The following SNTG1 variants were observed in gnomAD, a reference collection of about 807,000 sequenced individuals.
SNTG1 encodes syntrophin gamma 1.
A neutral mutation model predicts 74.7 loss-of-function variants in SNTG1; 39 were observed. The ratio of observed to expected loss-of-function variants is 0.52; its 90% confidence interval spans 0.40 to 0.68. SNTG1 has a LOEUF of 0.68. SNTG1 is among the 30% of genes least tolerant of loss of function. The pLI is 0.00. For synonymous variants in SNTG1, 254 were observed against 217.1 expected, an observed-to-expected ratio of 1.17 and a Z score of -1.49; for missense variants, 685 against 609.5, an observed-to-expected ratio of 1.12 and a Z score of -1.30.
rs1343073552 is a variant in SNTG1, at chr8:50,312,662, A to T, written c.-27-81550A>T. 2.0e-5 allele frequency among the ~76,000 whole-genome samples: 3 copies of T among 149,924 alleles called. 1 individual carries two copies. Among genetic ancestry groups the T allele is most frequent in the East Asian group, 4.0e-4 (2 of 5,028 alleles). ...AACAATGAAAATAGCATAATAGGCC[A>T]CCTCATACCCATTACTAAACTTCCA... On this transcript the variant is annotated intron_variant, in intron 2 of 18. Coordinates refer to ENST00000642720, the MANE Select transcript of SNTG1 (RefSeq NM_018967.5).
chr8:50,506,039 G>T (rs1054844584), intron 9 of SNTG1, among the ~76,000 whole-genome samples: 9 of 152,026 alleles, frequency 5.9e-5, no homozygotes, highest in East Asian at 3.8e-4. Flanking sequence ...ATAGTATAAG[G>T]TAAGTGCCCA....
chr8:50,284,394 A>C (rs899115530), intron 2 of SNTG1, among the ~76,000 whole-genome samples: 1 of 152,114 alleles, frequency 6.6e-6, no homozygotes, highest in Non-Finnish European at 1.5e-5. Flanking sequence ...CATACCCTGA[A>C]CATGCCCCAT....
chr8:50,320,340 C>T (rs1168491395), intron 2 of SNTG1, among the ~76,000 whole-genome samples: 1 of 152,042 alleles, frequency 6.6e-6, no homozygotes, highest in Non-Finnish European at 1.5e-5. Flanking sequence ...TGAATTTCTG[C>T]CATATCAATT....
chr8:50,232,303 GC>G (rs1308460990), intron 2 of SNTG1, among the ~76,000 whole-genome samples: 2 of 151,324 alleles, frequency 1.3e-5, no homozygotes, highest in African/African-American at 4.8e-5. Context: ...CATTTTAAAA[GC>G]AATTAGTAAA....
At chr8:50,056,778 A>AGAT (rs1395220710) in intron 1 of SNTG1, among the ~76,000 whole-genome samples, 26 of 152,320 alleles carry the variant, frequency 1.7e-4, no homozygotes, top group African/African-American at 6.0e-4. Context: ...ATGTCAAGCA[A>AGAT]GATAGATGAG....
chr8:50,526,740 C>T (rs1185860248), intron 9 of SNTG1, among the ~76,000 whole-genome samples: 1 of 152,048 alleles, frequency 6.6e-6, no homozygotes, highest in Non-Finnish European at 1.5e-5. Flanking sequence ...TTCTCCTGCT[C>T]AGCCACCCAA....
intron 4 of SNTG1, among the ~76,000 whole-genome samples, chr8:50,421,736 G>C (rs2093090416): frequency 6.6e-6 from 1 of 152,068 alleles, no homozygotes; most frequent in African/African-American, 2.4e-5. Context: ...AAGGTCTGCT[G>C]AAAGATCACT....
chr8:50,714,081 G>T lies in SNTG1; in HGVS notation c.1284+5103G>T, dbSNP rs1042670910. On this transcript the variant is annotated intron_variant, in intron 17 of 18. Coordinates refer to ENST00000642720, the MANE Select transcript of SNTG1 (RefSeq NM_018967.5). ...TTCAAAAAAAAAAAAAAAAAAAGGTGGGGGGAGGGAATCCTTTTCTTATTG... is the reference window on the plus strand; with the variant it reads ...TTCAAAAAAAAAAAAAAAAAAAGGTTGGGGGAGGGAATCCTTTTCTTATTG... Among the ~76,000 whole-genome samples, 43 of 151,110 alleles carry T rather than the reference G, an allele frequency of 2.8e-4. No homozygotes were observed. In the East Asian group the frequency reaches 7.0e-3, roughly 25 times the overall value.
In SNTG1 at chr8:49,987,710, G is replaced by C. The variant is rs191951260; in HGVS notation, c.-103+75479G>C. The stretch of plus-strand genomic sequence containing the variant: ...GCCACCCAGGCTGGAGTGTGGTGGC[G>C]TGATCTCGGCTTACTGCAACCTCTG... On this transcript the variant is annotated intron_variant, in intron 1 of 18. Transcript: ENST00000642720. Among the ~76,000 whole-genome samples the C allele has an allele frequency of 7.4e-5, 11 of 147,858 alleles. No individual in the cohort carries two copies. In the East Asian group the frequency reaches 1.6e-3, roughly 22 times the overall value.
At chr8:50,376,611 CAG>C (rs1563301253) in intron 2 of SNTG1, among the ~76,000 whole-genome samples, 1 of 151,386 alleles carries the variant, frequency 6.6e-6, no homozygotes, top group Non-Finnish European at 1.5e-5. Flanking sequence ...CGTCCACTTT[CAG>C]AGTCTTCATC....
intron 1 of SNTG1, among the ~76,000 whole-genome samples, chr8:50,114,452 C>G (rs189212612): frequency 1.3e-3 from 194 of 152,232 alleles, no homozygotes; most frequent in African/African-American, 4.4e-3. Context: ...TACAATATCA[C>G]TTATTTGAGA....
chr8:50,164,613 T>G (rs1364353360), intron 1 of SNTG1, among the ~76,000 whole-genome samples: 1 of 152,206 alleles, frequency 6.6e-6, no homozygotes, highest in Admixed American at 6.5e-5. Context: ...TAATATAAAT[T>G]TCACTTATTT....
chr8:50,506,867 T>C (rs568416180), intron 9 of SNTG1, among the ~76,000 whole-genome samples: 80 of 152,150 alleles, frequency 5.3e-4, no homozygotes, highest in African/African-American at 1.7e-3. Flanking sequence ...GACTTGAGAG[T>C]GGGCATCCTT....
intron 2 of SNTG1, among the ~76,000 whole-genome samples, chr8:50,280,985 C>CAAAAAAAA (rs35973666): frequency 1.1e-3 from 83 of 75,078 alleles, no homozygotes; most frequent in East Asian, 2.7e-3. Flanking sequence ...AACCCAGTCT[C>CAAAAAAAA]AAAAAAAAAA....
chr8:50,770,802 G>T (rs187166890), intron 18 of SNTG1, among the ~76,000 whole-genome samples: 3 of 152,078 alleles, frequency 2.0e-5, no homozygotes, highest in Non-Finnish European at 4.4e-5. Context: ...CATGAGAATT[G>T]GTTGTTAAAA....
chr8:50,707,563 T>C (rs1419032847), intron 16 of SNTG1, among the ~76,000 whole-genome samples: 1 of 152,208 alleles, frequency 6.6e-6, no homozygotes, highest in African/African-American at 2.4e-5. Flanking sequence ...TGAAGGCAAC[T>C]CGATGTATTT....
At chr8:50,273,161 C>T (rs1284203199) in intron 2 of SNTG1, among the ~76,000 whole-genome samples, 1 of 152,062 alleles carries the variant, frequency 6.6e-6, no homozygotes. Context: ...ATGTTTAGAA[C>T]AGTTTTAAGA....
intron 13 of SNTG1, among the ~76,000 whole-genome samples, chr8:50,594,888 A>G (rs2094716321): frequency 6.6e-6 from 1 of 152,120 alleles, no homozygotes; most frequent in African/African-American, 2.4e-5. Flanking sequence ...TTGTGGCATT[A>G]TAACTGGACC....
intron 8 of SNTG1, among the ~76,000 whole-genome samples, chr8:50,474,578 C>T (rs952869881): frequency 4.6e-5 from 7 of 152,218 alleles, no homozygotes; most frequent in African/African-American, 1.7e-4. Context: ...CAGGAAACAA[C>T]AGGTGCTGGA....
Sources: gnomAD v4.1 joint callset for allele counts (sites outside exome capture counted in the v4.1 genomes callset) on GRCh38, gnomAD v4.1.1 for gene constraint, MANE v1.5 for transcripts, NCBI Gene and HGNC (gene_info 2026-07-23, HGNC 2026-07-21) for gene names.